RPS6KC1: variants seen among roughly 807,000 people sequenced by gnomAD.
RPS6KC1 encodes ribosomal protein S6 kinase C1.
Under a neutral mutation model 103.8 loss-of-function variants are expected in RPS6KC1, and 54 were observed. The observed-to-expected ratio is 0.52, with a 90% confidence interval of 0.42 to 0.65. The LOEUF is 0.65. Ranked by LOEUF, RPS6KC1 falls within the 30% of genes least tolerant of loss-of-function variation. The pLI, the probability that RPS6KC1 is intolerant of heterozygous loss-of-function variation, is 0.00. For missense variants in RPS6KC1, 1,151 were observed against 1,253.8 expected, an observed-to-expected ratio of 0.92 and a Z score of 1.24; for synonymous variants, 439 against 438.7, an observed-to-expected ratio of 1.00 and a Z score of -0.01.
At chr1:213,674,845 G>T in the RPS6KC1 span, among the ~76,000 whole-genome samples, 1 of 152,110 alleles carries the variant, frequency 6.6e-6, no homozygotes, top group South Asian at 2.1e-4. Flanking sequence ...ACTGGTATAA[G>T]ATGGTATCTC....
the RPS6KC1 span, among the ~76,000 whole-genome samples, chr1:213,743,192 A>G: frequency 6.6e-6 from 1 of 152,214 alleles, no homozygotes; most frequent in Non-Finnish European, 1.5e-5. Flanking sequence ...TACACATTGG[A>G]ATACTACACA....
At chr1:213,301,386 CATT>C in the RPS6KC1 span, among the ~76,000 whole-genome samples, 1 of 152,162 alleles carries the variant, frequency 6.6e-6, no homozygotes, top group African/African-American at 2.4e-5. Context: ...ACACATTACT[CATT>C]ATAGACAATG....
chr1:213,386,622 T>A, the RPS6KC1 span, among the ~76,000 whole-genome samples: 1 of 152,208 alleles, frequency 6.6e-6, no homozygotes, highest in African/African-American at 2.4e-5. Flanking sequence ...CTAACTCACC[T>A]GTCCTCTTTC....
rs568275583 is a variant in RPS6KC1 at position 213,152,399 on chromosome 1, C to T, written c.836-15459C>T. Among the ~76,000 whole-genome samples, 89 of 150,914 alleles carry T rather than the reference C, an allele frequency of 5.9e-4. 1 individual carries two copies. The highest frequency in any genetic ancestry group is 2.0e-3 in the African/African-American group (82 of 41,218). On this transcript the variant is annotated intron_variant, in intron 6 of 14. Coordinates refer to ENST00000366960, the MANE Select transcript of RPS6KC1 (RefSeq NM_012424.6). ...GGGGCTGACCCCCCCACCTCCCTCCCGGACGGGGTGGCTGCCGGGCGGAGA... is the reference window on the plus strand; with the variant it reads ...GGGGCTGACCCCCCCACCTCCCTCCTGGACGGGGTGGCTGCCGGGCGGAGA...
At chr1:213,424,875 C>T in the RPS6KC1 span, among the ~76,000 whole-genome samples, 10 of 152,284 alleles carry the variant, frequency 6.6e-5, no homozygotes, top group Middle Eastern at 3.4e-3. Context: ...AGGCTTCCTC[C>T]GCCAGCACCG....
At chr1:213,832,790 A>G in the RPS6KC1 span, 11 of 152,212 alleles carry the variant, frequency 7.2e-5, no homozygotes, top group African/African-American at 2.7e-4. Context: ...TCTGGTGACA[A>G]CTTTCGAGGT....
chr1:213,415,978 C>T, the RPS6KC1 span, among the ~76,000 whole-genome samples: 1 of 152,188 alleles, frequency 6.6e-6, no homozygotes, highest in African/African-American at 2.4e-5. Flanking sequence ...TGGAAATTGA[C>T]GGAGAAGCTC....
chr1:213,400,775 C>T, the RPS6KC1 span, among the ~76,000 whole-genome samples: 1,339 of 151,566 alleles, frequency 8.8e-3, 13 homozygotes, highest in Middle Eastern at 0.02. Context: ...GGCGCGATCT[C>T]GGCTCACTGC....
At chr1:213,728,732 G>A in the RPS6KC1 span, among the ~76,000 whole-genome samples, 1 of 152,036 alleles carries the variant, frequency 6.6e-6, no homozygotes, top group Non-Finnish European at 1.5e-5. Context: ...TGGGAGGAGG[G>A]GGGATGGCAA....
the RPS6KC1 span, among the ~76,000 whole-genome samples, chr1:213,748,170 GA>G: frequency 6.6e-6 from 1 of 152,166 alleles, no homozygotes; most frequent in Non-Finnish European, 1.5e-5. Context: ...CAAAATGGAA[GA>G]AGTCAGCCTC....
the RPS6KC1 span, among the ~76,000 whole-genome samples, chr1:213,602,313 A>C: frequency 7.4e-6 from 1 of 134,868 alleles, no homozygotes. Context: ...GGCTCACTGC[A>C]ACCTCTGCCT....
chr1:213,168,855 C>G (rs949479823), intron 7 of RPS6KC1, among the ~76,000 whole-genome samples: 1 of 152,116 alleles, frequency 6.6e-6, no homozygotes, highest in African/African-American at 2.4e-5. Context: ...ATCTCCTGAC[C>G]TCATGATCTG....
chr1:213,617,858 A>T, the RPS6KC1 span, among the ~76,000 whole-genome samples: 2 of 152,222 alleles, frequency 1.3e-5, no homozygotes, highest in African/African-American at 4.8e-5. Flanking sequence ...TTATTGCTCT[A>T]GCTCTATGTC....
chr1:213,237,274 G>A (rs984857290), intron 10 of RPS6KC1, among the ~76,000 whole-genome samples: 6 of 152,194 alleles, frequency 3.9e-5, no homozygotes, highest in Admixed American at 6.5e-5. Context: ...ACCATTACTA[G>A]TGTGACTTTG....
the RPS6KC1 span, among the ~76,000 whole-genome samples, chr1:213,802,603 C>T: frequency 3.3e-5 from 5 of 152,242 alleles, no homozygotes; most frequent in Admixed American, 3.3e-4. Context: ...TTTTGACATT[C>T]ATTAGATGTA....
chr1:213,142,739 G>T (rs1236979201), intron 6 of RPS6KC1, among the ~76,000 whole-genome samples: 2 of 152,210 alleles, frequency 1.3e-5, no homozygotes, highest in Non-Finnish European at 2.9e-5. Context: ...ACAGCAAAAA[G>T]ATTGCGACTT....
At chr1:213,681,057 G>C in the RPS6KC1 span, among the ~76,000 whole-genome samples, 7 of 152,216 alleles carry the variant, frequency 4.6e-5, no homozygotes, top group Non-Finnish European at 7.3e-5. Flanking sequence ...CTTCTGTGTA[G>C]ACTCTGACGC....
the RPS6KC1 span, among the ~76,000 whole-genome samples, chr1:213,618,696 G>A: frequency 5.9e-5 from 9 of 152,218 alleles, no homozygotes; most frequent in Non-Finnish European, 1.3e-4. Context: ...GACTACTGAT[G>A]TTAGTGGGTG....
At chr1:213,794,998 A>G in the RPS6KC1 span, among the ~76,000 whole-genome samples, 3 of 152,332 alleles carry the variant, frequency 2.0e-5, no homozygotes, top group East Asian at 3.9e-4. Flanking sequence ...AAGATTTCAC[A>G]ATAAGGACTT....
Sources: gnomAD v4.1 joint callset for allele counts (sites outside exome capture counted in the v4.1 genomes callset) on GRCh38, gnomAD v4.1.1 for gene constraint, MANE v1.5 for transcripts, NCBI Gene and HGNC (gene_info 2026-07-23, HGNC 2026-07-21) for gene names.